ALDH1L1: variants seen among roughly 807,000 people sequenced by gnomAD.
The protein encoded by ALDH1L1 is aldehyde dehydrogenase 1 family member L1.
In ALDH1L1, 68 loss-of-function variants were observed where a neutral mutation model predicts 101.1. That is an observed-to-expected ratio of 0.67 (90% CI 0.55 to 0.82). The LOEUF (loss-of-function observed/expected upper bound fraction) is 0.82, where lower values mean the gene tolerates loss of function less well. Ranked by LOEUF, ALDH1L1 falls within the 40% of genes least tolerant of loss-of-function variation. The probability of loss-of-function intolerance (pLI) is 0.00; values close to 1 mark genes in which losing one functional copy is unlikely to be tolerated. For missense variants in ALDH1L1, 1,087 were observed against 1,172.7 expected (o/e 0.93, Z 1.07); for synonymous variants, 486 against 470.8 (o/e 1.03, Z -0.42).
chr3:126,188,347 A>C (rs1043376466), intron 1 of ALDH1L1, among the ~76,000 whole-genome samples: 22 of 152,232 alleles, frequency 1.4e-4, no homozygotes, highest in Admixed American at 1.1e-3. Flanking sequence ...CATGGGTTTC[A>C]CAGAGGCAAT....
chr3:126,192,883 G>C (rs1271133844), intron 1 of ALDH1L1, among the ~76,000 whole-genome samples: 5 of 152,234 alleles, frequency 3.3e-5, no homozygotes, highest in Admixed American at 3.3e-4. Flanking sequence ...AGAGACTGCA[G>C]AGATGCCTCA....
Position 126,130,284 on chromosome 3 carries a change from T to C in ALDH1L1, c.1633A>G (p.Ile545Val), listed in dbSNP as rs770561337. Reference sequence around the variant, plus strand: ...TTGGGTCTGGCCTGGTTGATGGGGATGGTGGAGCCCTGGAAGAGGAACAGG... The same window carrying C: ...TTGGGTCTGGCCTGGTTGATGGGGACGGTGGAGCCCTGGAAGAGGAACAGG... ...GWCDKIQGST[I>V]PINQARPNRN... is the part of the protein sequence containing the mutation. The change falls in exon 14 of 23, where the codon ATC (isoleucine) becomes GTC (valine). Residue 545 changes from isoleucine to valine, a missense_variant. Around this residue, in one of 2 missense-constraint regions of ALDH1L1, gnomAD observed 442 missense variants for 535.7 expected, o/e 0.83. Transcript: ENST00000393434. The C allele has an allele frequency of 1.9e-6, 3 of 1,609,672 alleles. No individual in the cohort carries two copies. Among genetic ancestry groups the C allele is most frequent in the Non-Finnish European group, 2.5e-6 (3 of 1,177,792 alleles).
chr3:126,171,089 G>A (rs535689135), intron 1 of ALDH1L1, among the ~76,000 whole-genome samples: 3 of 152,260 alleles, frequency 2.0e-5, no homozygotes, highest in East Asian at 3.9e-4. Flanking sequence ...ACGAGGTAAG[G>A]AGATCAAGAC....
At chr3:126,164,368 A>G (rs2081122843) in intron 1 of ALDH1L1, among the ~76,000 whole-genome samples, 1 of 152,120 alleles carries the variant, frequency 6.6e-6, no homozygotes, top group Non-Finnish European at 1.5e-5. Context: ...GAGTTTTTTC[A>G]ACCCATTCCC....
intron 1 of ALDH1L1, among the ~76,000 whole-genome samples, chr3:126,195,205 A>C (rs1017843134): frequency 9.9e-5 from 15 of 152,174 alleles, no homozygotes; most frequent in Admixed American, 8.5e-4. Flanking sequence ...CATTTAGCAA[A>C]TCTAATATCT....
rs567393390 is a variant in ALDH1L1, at chr3:126,197,668, A to G, written c.-24+67T>C. On this transcript the variant is annotated intron_variant, in intron 1 of 2. Coordinates refer to the ALDH1L1 transcript ENST00000509952. ...AATCCATGGAGCTCCGAAATCCGAG[A>G]GAGAATTTACCCACGATCCCCAGCC... is the stretch of plus-strand genomic sequence containing the variant. 2.0e-5 allele frequency: 3 copies of G among 151,734 alleles called. No homozygotes were observed. In the South Asian group the frequency reaches 6.2e-4, roughly 31 times the overall value. The allele number at this position is 151,734 out of a possible 1,614,324, so 9.4% of individuals were successfully genotyped here.
intron 18 of ALDH1L1, among the ~76,000 whole-genome samples, chr3:126,113,454 C>A (rs1198178239): frequency 6.6e-6 from 1 of 152,170 alleles, no homozygotes; most frequent in Non-Finnish European, 1.5e-5. Context: ...AGGCAGCCTG[C>A]TTTTTCAAAC....
intron 1 of ALDH1L1, among the ~76,000 whole-genome samples, chr3:126,165,338 G>A (rs2081144484): frequency 6.6e-6 from 1 of 152,082 alleles, no homozygotes; most frequent in African/African-American, 2.4e-5. Flanking sequence ...ATTTTGTTGA[G>A]GATTTTTGTG....
intron 9 of ALDH1L1, 75 bp from the exon 10 acceptor site, chr3:126,138,035 G>A (rs2080488433): frequency 1.3e-6 from 2 of 1,570,750 alleles, no homozygotes; most frequent in Non-Finnish European, 1.7e-6. Context: ...CAGTGGCAGT[G>A]GGGCCAAACA....
chr3:126,149,670 A>G (rs10934751), intron 8 of ALDH1L1, among the ~76,000 whole-genome samples: 64,076 of 152,044 alleles, frequency 0.42, 14,047 homozygotes, highest in East Asian at 0.58. Flanking sequence ...ATGTGCTGTT[A>G]ACACCCAAGG....
At chr3:126,165,833 G>C (rs1412858284) in intron 1 of ALDH1L1, among the ~76,000 whole-genome samples, 1 of 152,156 alleles carries the variant, frequency 6.6e-6, no homozygotes, top group Non-Finnish European at 1.5e-5. Context: ...AATGTAGCTA[G>C]TGGTCTAATG....
Position 126,105,898 on chromosome 3 carries a change from G to A in ALDH1L1, c.2481C>T (p.Ala827=), listed in dbSNP as rs773196663. ...DGDLDAVLSR[A]NATEFGLASG... ...AAGCCAGGCCAAATTCCGTGGCATTGGCCCGAGACAGCACGGCATCCAAGT... is the reference window on the plus strand; with the variant it reads ...AAGCCAGGCCAAATTCCGTGGCATTAGCCCGAGACAGCACGGCATCCAAGT... The change falls in exon 22 of 23, where the codon GCC becomes GCT. Residue 827 remains alanine (A), a synonymous_variant. Transcript: ENST00000393434. The A allele has an allele frequency of 6.2e-7, 1 of 1,613,860 alleles. No homozygotes were observed. Among genetic ancestry groups the A allele is most frequent in the South Asian group, 1.1e-5 (1 of 91,080 alleles).
chr3:126,112,237 G>C (rs1191811214), intron 19 of ALDH1L1, among the ~76,000 whole-genome samples: 1 of 152,226 alleles, frequency 6.6e-6, no homozygotes, highest in East Asian at 1.9e-4. Flanking sequence ...GGCCATGCAA[G>C]GTGGCTGCAG....
rs747561724 is a variant in ALDH1L1 at position 126,110,036 on chromosome 3, T to C, written c.2255A>G (p.His752Arg). The change falls in exon 20 of 23, where the codon CAT becomes CGT. Residue 752 changes from histidine to arginine, a missense_variant. His to Arg is a conservative substitution (Grantham distance 29). Around this residue, in one of 2 missense-constraint regions of ALDH1L1, gnomAD observed 442 missense variants for 535.7 expected, o/e 0.83. Coordinates refer to ENST00000393434, the MANE Select transcript of ALDH1L1 (RefSeq NM_012190.4). ...RDTDHGPQNH[H>R]AHLVKLMEYC... ...CTCCATCAGCTTCACAAGGTGGGCA[T>C]GGTGATTCTGCGGCCCGTGGTCGGT... 39 of 1,614,102 alleles carry C rather than the reference T, an allele frequency of 2.4e-5. No homozygotes were observed. Among genetic ancestry groups the C allele is most frequent in the Non-Finnish European group, 3.1e-5 (37 of 1,180,042 alleles).
intron 1 of ALDH1L1, among the ~76,000 whole-genome samples, chr3:126,177,652 G>A (rs1404702156): frequency 1.3e-5 from 2 of 152,152 alleles, no homozygotes; most frequent in East Asian, 3.8e-4. Context: ...TTATATGTTT[G>A]TCCAAAACCA....
At chr3:126,128,065 G>C (rs913126282) in intron 14 of ALDH1L1, among the ~76,000 whole-genome samples, 7 of 152,128 alleles carry the variant, frequency 4.6e-5, no homozygotes, top group African/African-American at 1.4e-4. Flanking sequence ...GGCCAGCACA[G>C]CCAACCACAG....
rs746109086 is a variant in ALDH1L1 at position 126,112,878 on chromosome 3, C to A, written c.2085G>T (p.Gly695=). 1.2e-6 allele frequency: 2 copies of A among 1,612,980 alleles called. No homozygotes were observed. Among genetic ancestry groups the A allele is most frequent in the South Asian group, 1.1e-5 (1 of 91,086 alleles). ...DCDLNKAVQM[G]MSSVFFNKGE... Reference sequence around the variant, plus strand: ...CTTTGTTGAAGAAAACAGAACTCATCCCCTTCAGAGAATGGACAAGAACAC... The same window carrying A: ...CTTTGTTGAAGAAAACAGAACTCATACCCTTCAGAGAATGGACAAGAACAC... Residue 695 remains glycine, a splice_region_variant and synonymous_variant, in exon 19 of 23, where the codon GGG becomes GGT. Transcript: ENST00000393434.
At chr3:126,180,388 CCTGGAGCCCCCGGAGCCCCCGGAG>C in intron 1 of ALDH1L1, 64 bp downstream of exon 1, 1 of 947,418 alleles carries the variant, frequency 1.1e-6, no homozygotes, top group Non-Finnish European at 1.3e-6. Context: ...TCCTGGAGCC[CCTGGAGCCCCCGGAGCCCCCGGAG>C]CTGCAGCCGG....
At chr3:126,159,222 G>A (rs555603839) in intron 2 of ALDH1L1, among the ~76,000 whole-genome samples, 8 of 147,818 alleles carry the variant, frequency 5.4e-5, no homozygotes, top group Non-Finnish European at 1.1e-4. Context: ...ACACATGCGT[G>A]CACACACACA....
Sources: allele counts gnomAD v4.1 joint callset (sites outside exome capture counted in the v4.1 genomes callset), GRCh38; gene constraint gnomAD v4.1.1; regional missense constraint gnomAD v4.1.1; transcripts MANE v1.5; gene names NCBI Gene and HGNC (gene_info 2026-07-23, HGNC 2026-07-21).